Variants in SPRTN observed in about 807,000 individuals in gnomAD.
SPRTN encodes the protein SprT-like N-terminal domain.
A neutral mutation model predicts 31.9 loss-of-function variants in SPRTN; 11 were observed. That is an observed-to-expected ratio of 0.34 (90% CI 0.22 to 0.57). SPRTN has a LOEUF of 0.57. Ranked by LOEUF, SPRTN falls within the 20% of genes least tolerant of loss-of-function variation. The pLI is 0.86. For synonymous variants in SPRTN, 185 were observed against 212.1 expected, an observed-to-expected ratio of 0.87 and a Z score of 1.11; for missense variants, 482 against 590.1, an observed-to-expected ratio of 0.82 and a Z score of 1.90.
chr1:231,345,826 G>C (rs78590211), intron 2 of SPRTN, among the ~76,000 whole-genome samples: 1 of 151,942 alleles, frequency 6.6e-6, no homozygotes, highest in Non-Finnish European at 1.5e-5. Context: ...TTTTGTGGGG[G>C]TTTTTTGTTT....
chr1:231,351,040 GA>G (rs1687210234), intron 3 of SPRTN, among the ~76,000 whole-genome samples: 1 of 151,740 alleles, frequency 6.6e-6, no homozygotes, highest in Non-Finnish European at 1.5e-5. Context: ...GTTTTTAAAA[GA>G]TTTTTTTGTC....
rs1316194649 is a variant in SPRTN at position 231,338,299 on chromosome 1, G to A, written c.-85G>A. ...CCGGCATCTCCTAGGAGCTAGTCCT[G>A]GTCCTCGGCTAGGCGGCTTGGGGTC... On this transcript the variant is annotated 5_prime_UTR_variant, in exon 1 of 5. Transcript: ENST00000295050. 2.1e-6 allele frequency: 3 copies of A among 1,461,904 alleles called. No homozygotes were observed. Among genetic ancestry groups the A allele is most frequent in the Non-Finnish European group, 2.8e-6 (3 of 1,060,892 alleles). The allele number at this position is 1,461,904 out of a possible 1,614,324, so 90.6% of individuals were successfully genotyped here. A position where few individuals can be genotyped will look rare whatever the true frequency, so the allele number is the denominator to read the frequency against.
intron 2 of SPRTN, among the ~76,000 whole-genome samples, chr1:231,342,719 GC>G (rs71567064): frequency 2.7e-5 from 4 of 148,584 alleles, no homozygotes; most frequent in Non-Finnish European, 5.9e-5. Context: ...GAGCCACCAT[GC>G]CCGGCCAGGA....
At chr1:231,350,362 G>A (rs149984619) in intron 3 of SPRTN, among the ~76,000 whole-genome samples, 249 of 152,294 alleles carry the variant, frequency 1.6e-3, no homozygotes, top group African/African-American at 5.6e-3. Context: ...TGAGAAGGCA[G>A]AAGAATAAGG....
At chr1:231,343,218 C>G (rs947175174) in intron 2 of SPRTN, among the ~76,000 whole-genome samples, 5 of 151,916 alleles carry the variant, frequency 3.3e-5, no homozygotes, top group African/African-American at 1.2e-4. Flanking sequence ...GGTATATACA[C>G]TCTATAGCCT....
At chr1:231,340,197 C>CAA (rs111840521) in intron 2 of SPRTN, 13 of 157,192 alleles carry the variant, frequency 8.3e-5, no homozygotes, top group African/African-American at 1.5e-4. Context: ...CCCGTCTCTA[C>CAA]AAAAAAAAAA....
At chr1:231,348,043 G>T (rs990483330) in intron 3 of SPRTN, 118 bp downstream of exon 3, 3 of 1,403,750 alleles carry the variant, frequency 2.1e-6, no homozygotes, top group African/African-American at 2.9e-5. Context: ...TTTCCACAGC[G>T]AACGAGAGGC....
chr1:231,339,202 G>C (rs1322494759), intron 1 of SPRTN, among the ~76,000 whole-genome samples: 1 of 152,142 alleles, frequency 6.6e-6, no homozygotes, highest in African/African-American at 2.4e-5. Flanking sequence ...TTTTTGAGTT[G>C]ATAGAAAACA....
At chr1:231,339,686 G>C in intron 1 of SPRTN, 83 bp from the exon 2 acceptor site, 1 of 1,355,688 alleles carries the variant, frequency 7.4e-7, no homozygotes, top group African/African-American at 1.4e-5. Context: ...TGCCAACTGA[G>C]TTAGTGTGAA....
intron 2 of SPRTN, among the ~76,000 whole-genome samples, chr1:231,345,554 A>G (rs540437878): frequency 4.6e-5 from 7 of 152,244 alleles, no homozygotes; most frequent in South Asian, 2.1e-4. Flanking sequence ...AGTTATTTCT[A>G]ATCTTTTGCT....
At chr1:231,348,620 TA>T (rs775642039) in intron 3 of SPRTN, among the ~76,000 whole-genome samples, 1 of 152,178 alleles carries the variant, frequency 6.6e-6, no homozygotes, top group African/African-American at 2.4e-5. Context: ...CCTGTCTCTT[TA>T]ACTGCACTTT....
intron 3 of SPRTN, among the ~76,000 whole-genome samples, chr1:231,350,911 G>A (rs1687205857): frequency 6.6e-6 from 1 of 151,980 alleles, no homozygotes; most frequent in Non-Finnish European, 1.5e-5. Flanking sequence ...ATTTAGCAGT[G>A]GGAATGATTC....
Position 231,352,691 on chromosome 1 carries a change from C to A in SPRTN, c.800C>A (p.Pro267His), listed in dbSNP as rs146219332. ...GTTCTAGGAGAAACAAGCAATTTAC[C>A]TTCACCTGGGAAACTGATCACTTCA... ...GYVLGETSNL[P>H]SPGKLITSHA... The change falls in exon 5 of 5, where the codon CCT becomes CAT. Residue 267 changes from proline (P) to histidine (H), a missense_variant. Physicochemically the swap from Pro to His is moderately conservative, Grantham distance 77 (BLOSUM62 -2). Transcript: ENST00000295050. 3.1e-6 allele frequency: 5 copies of A among 1,613,910 alleles called. No individual in the cohort carries two copies. In the Admixed American group the frequency reaches 8.3e-5, roughly 27 times the overall value.
chr1:231,351,561 A>G lies in SPRTN; in HGVS notation c.708A>G (p.Ala236=), dbSNP rs150025485. ...TAGGAAAGGAACCAGTATTGGCCGC[A>G]GAGAATAAAGGTACCTTCGTGTATA... ...AKLGKEPVLA[A]ENKDKPNRGE... The change falls in exon 4 of 5, where the codon GCA becomes GCG. Residue 236 remains alanine (A), a synonymous_variant. Transcript: ENST00000295050. The G allele has an allele frequency of 2.1e-4, 341 of 1,614,036 alleles. No individual in the cohort carries two copies. The highest frequency in any genetic ancestry group is 2.8e-4 in the Non-Finnish European group (328 of 1,180,000).
intron 2 of SPRTN, among the ~76,000 whole-genome samples, chr1:231,341,238 G>T (rs1481139221): frequency 6.6e-6 from 1 of 151,538 alleles, no homozygotes; most frequent in African/African-American, 2.4e-5. Context: ...AAAGGATGAG[G>T]AAAAGTAATC....
At chr1:231,347,987 T>G (rs1172362910) in intron 3 of SPRTN, 62 bp downstream of exon 3, 8 of 1,565,342 alleles carry the variant, frequency 5.1e-6, no homozygotes, top group Non-Finnish European at 6.9e-6. Flanking sequence ...CTCCTGAGAT[T>G]TAATTAAAAG....
chr1:231,338,613 C>G lies in SPRTN; in HGVS notation c.221+9C>G, dbSNP rs547492193. The G allele has an allele frequency of 7.4e-6, 12 of 1,613,928 alleles. No homozygotes were observed. The South Asian group carries it at 1.1e-4, about 15-fold the overall frequency. On this transcript the variant is annotated intron_variant, in intron 1 of 4. Transcript: ENST00000295050. ...AGCGTGCGAATGACCCTGTGAGTTC[C>G]GAGCCCCGCTGGGGAAAGAGGCGGG...
chr1:231,338,702 AG>A (rs1686767704), intron 1 of SPRTN, 98 bp downstream of exon 1: 43 of 1,429,188 alleles, frequency 3.0e-5, no homozygotes, highest in Middle Eastern at 2.1e-4. Flanking sequence ...CGACGGTCCC[AG>A]GGGGCGTTAA....
intron 3 of SPRTN, among the ~76,000 whole-genome samples, chr1:231,351,057 A>T (rs1687210755): frequency 6.6e-6 from 1 of 151,922 alleles, no homozygotes. Flanking sequence ...TTGTCCTCTA[A>T]TCCCATGTGC....
Sources: gnomAD v4.1 joint callset for allele counts (sites outside exome capture counted in the v4.1 genomes callset) on GRCh38, gnomAD v4.1.1 for gene constraint, MANE v1.5 for transcripts, NCBI Gene and HGNC (gene_info 2026-07-23, HGNC 2026-07-21) for gene names.